SPMIP7: variants seen among roughly 807,000 people sequenced by gnomAD.
SPMIP7 encodes sperm microtubule inner protein 7, also known as protein SPMIP7.
the SPMIP7 span, among the ~76,000 whole-genome samples, chr7:50,148,066 T>G: frequency 6.6e-6 from 1 of 152,222 alleles, no homozygotes; most frequent in South Asian, 2.1e-4. Context: ...CAGTCTAAAG[T>G]GTTCCCCAGA....
At chr7:50,107,402 G>GAAAAAAAAAAAA in the SPMIP7 span, among the ~76,000 whole-genome samples, 3 of 97,342 alleles carry the variant, frequency 3.1e-5, no homozygotes, top group Non-Finnish European at 5.8e-5. Flanking sequence ...AAAAGAAAAA[G>GAAAAAAAAAAAA]AAAAAAAAAA....
chr7:50,145,614 GTGTGTATATATATATATATATATATA>G, the SPMIP7 span, among the ~76,000 whole-genome samples: 48 of 39,064 alleles, frequency 1.2e-3, 6 homozygotes, highest in South Asian at 7.5e-3. Context: ...GTGTATATGT[GTGTGTATATATATATATATATATATA>G]TATATATATA....
At chr7:50,138,060 G>C in the SPMIP7 span, among the ~76,000 whole-genome samples, 1 of 152,106 alleles carries the variant, frequency 6.6e-6, no homozygotes, top group African/African-American at 2.4e-5. Flanking sequence ...ATTTTAATGA[G>C]TGTTTCTCTG....
At chr7:50,158,255 C>A in the SPMIP7 span, among the ~76,000 whole-genome samples, 9 of 151,414 alleles carry the variant, frequency 5.9e-5, no homozygotes, top group Non-Finnish European at 1.3e-4. Flanking sequence ...ATCCCTCCCA[C>A]CCCCCATGTC....
chr7:50,105,512 A>G, the SPMIP7 span, among the ~76,000 whole-genome samples: 1 of 152,170 alleles, frequency 6.6e-6, no homozygotes, highest in East Asian at 1.9e-4. Context: ...TTTCTAGTTT[A>G]CTACAAAGGG....
the SPMIP7 span, among the ~76,000 whole-genome samples, chr7:50,111,439 T>C: frequency 6.6e-6 from 1 of 152,158 alleles, no homozygotes; most frequent in South Asian, 2.1e-4. Context: ...CCTAATCTTA[T>C]TATGTAGATG....
the SPMIP7 span, chr7:50,140,066 A>G: frequency 2.9e-6 from 3 of 1,029,272 alleles, no homozygotes; most frequent in Non-Finnish European, 4.2e-6. Flanking sequence ...TCTTAATTAG[A>G]GAAATACTGT....
chr7:50,099,858 C>A, the SPMIP7 span, among the ~76,000 whole-genome samples: 1 of 152,104 alleles, frequency 6.6e-6, no homozygotes, highest in Non-Finnish European at 1.5e-5. Flanking sequence ...CATCTACAAG[C>A]CCAGGCTACC....
chr7:50,129,889 G>A, the SPMIP7 span: 1 of 743,086 alleles, frequency 1.3e-6, no homozygotes, highest in Non-Finnish European at 2.3e-6. Context: ...TGGATCTTAT[G>A]AGTGACACAG....
chr7:50,107,873 T>C, the SPMIP7 span, among the ~76,000 whole-genome samples: 1 of 152,030 alleles, frequency 6.6e-6, no homozygotes, highest in Non-Finnish European at 1.5e-5. Context: ...AGAAAAAGTC[T>C]CAAGTTAAAG....
the SPMIP7 span, among the ~76,000 whole-genome samples, chr7:50,133,649 A>T: frequency 1.3e-5 from 2 of 152,144 alleles, no homozygotes; most frequent in Non-Finnish European, 2.9e-5. Context: ...AGCTGGAATC[A>T]AGGTGTCAGA....
At chr7:50,136,114 G>A in the SPMIP7 span, 84 of 1,550,872 alleles carry the variant, frequency 5.4e-5, no homozygotes, top group Non-Finnish European at 6.5e-5. Flanking sequence ...GGTGAGCTCT[G>A]GGACAGATTT....
At chr7:50,157,470 C>G in the SPMIP7 span, among the ~76,000 whole-genome samples, 1 of 152,166 alleles carries the variant, frequency 6.6e-6, no homozygotes, top group South Asian at 2.1e-4. Flanking sequence ...GTAACCTTCA[C>G]AGAAACTTGC....
chr7:50,141,727 C>CTTGTTTTTTTT, the SPMIP7 span: 1 of 76,856 alleles, frequency 1.3e-5, no homozygotes, highest in Non-Finnish European at 2.3e-5. Context: ...AGAGGAATCA[C>CTTGTTTTTTTT]TTTTTTTTTT....
At chr7:50,129,679 T>C in the SPMIP7 span, 1 of 1,297,138 alleles carries the variant, frequency 7.7e-7, no homozygotes, top group Non-Finnish European at 1.1e-6. Context: ...TTTCCATTTA[T>C]ATTTGGTCTC....
chr7:50,129,670 T>A, the SPMIP7 span: 1 of 1,244,774 alleles, frequency 8.0e-7, no homozygotes, highest in East Asian at 2.6e-5. Context: ...CAATAACAAT[T>A]TCCATTTATA....
chr7:50,133,734 C>T, the SPMIP7 span, among the ~76,000 whole-genome samples: 1 of 152,242 alleles, frequency 6.6e-6, no homozygotes, highest in Admixed American at 6.5e-5. Flanking sequence ...ATAGGACTGA[C>T]ATTTGTTTCT....
the SPMIP7 span, among the ~76,000 whole-genome samples, chr7:50,106,311 T>C: frequency 9.8e-5 from 15 of 152,320 alleles, no homozygotes; most frequent in South Asian, 2.7e-3. Flanking sequence ...GGTGGTCTCA[T>C]AGAAGTAAAA....
the SPMIP7 span, among the ~76,000 whole-genome samples, chr7:50,104,836 C>A: frequency 1.3e-5 from 2 of 152,188 alleles, no homozygotes; most frequent in African/African-American, 4.8e-5. Context: ...TACTCTCCAG[C>A]TGCATTCTCA....
Sources: gnomAD v4.1 joint callset for allele counts (sites outside exome capture counted in the v4.1 genomes callset) on GRCh38, gnomAD v4.1.1 for gene constraint, MANE v1.5 for transcripts, NCBI Gene and HGNC (gene_info 2026-07-23, HGNC 2026-07-21) for gene names.